The following ABCC9 variants were observed in gnomAD, a reference collection of about 807,000 sequenced individuals.
ABCC9 encodes the protein ATP-binding cassette sub-family C member 9.
In ABCC9, 95 loss-of-function variants were observed where a neutral mutation model predicts 188.3. The observed-to-expected ratio is 0.50, with a 90% CI of 0.43 to 0.60. ABCC9 has a LOEUF of 0.60. ABCC9 is among the 20% of genes least tolerant of loss of function. The pLI is 0.00. For synonymous variants in ABCC9, 659 were observed against 652.7 expected, an observed-to-expected ratio of 1.01 and a Z score of -0.15; for missense variants, 1,102 against 1,876.3, an observed-to-expected ratio of 0.59 and a Z score of 7.62.
Position 21,882,239 on chromosome 12 carries a change from A to G in ABCC9, c.2019+527T>C, listed in dbSNP as rs1024479383. ...CTCTTCCAATTCCTGCACAACACTG[A>G]TTACTCCCTTTTATCCCCAACTCTC... On this transcript the variant is annotated intron_variant, in intron 16 of 39. Transcript: ENST00000261200. Among the ~76,000 whole-genome samples the G allele has an allele frequency of 1.8e-4, 28 of 152,054 alleles. No individual in the cohort carries two copies. In the South Asian group the frequency reaches 5.2e-3, roughly 28 times the overall value.
chr12:21,859,949 T>C (rs1233207844), intron 21 of ABCC9, among the ~76,000 whole-genome samples: 2 of 152,162 alleles, frequency 1.3e-5, no homozygotes, highest in Non-Finnish European at 2.9e-5. Flanking sequence ...TGCTAGGAAA[T>C]GCGAGCAATT....
In ABCC9 at chr12:21,894,133, T is replaced by C; in HGVS notation, c.1701A>G (p.Lys567=). 6.2e-7 allele frequency: 1 copy of C among 1,613,996 alleles called. No individual in the cohort carries two copies. Among genetic ancestry groups the C allele is most frequent in the Non-Finnish European group, 8.5e-7 (1 of 1,179,990 alleles). Reference sequence around the variant, plus strand: ...ACAGTGAAGCAAAGGCCTCTGCAGGTTTCAGATTGTTTCCACTGGCATACG... The same window carrying C: ...ACAGTGAAGCAAAGGCCTCTGCAGGCTTCAGATTGTTTCCACTGGCATACG... ...THAYASGNNL[K]PAEAFASLSL... Residue 567 remains lysine, a synonymous_variant, in exon 14 of 40, where the codon AAA becomes AAG. Coordinates refer to ENST00000261200, the MANE Select transcript of ABCC9 (RefSeq NM_020297.4).
chr12:21,933,549 A>T (rs369804913), intron 4 of ABCC9, among the ~76,000 whole-genome samples: 5 of 152,164 alleles, frequency 3.3e-5, no homozygotes, highest in African/African-American at 1.2e-4. Context: ...ATATATTAAC[A>T]TAAGTATATA....
At chr12:21,803,006 T>C (rs1941567591) in intron 39 of ABCC9, among the ~76,000 whole-genome samples, 1 of 152,046 alleles carries the variant, frequency 6.6e-6, no homozygotes, top group Non-Finnish European at 1.5e-5. Flanking sequence ...AGCCTATCAT[T>C]CGCTGAATAT....
At chr12:21,858,156 A>C (rs1945324571) in intron 22 of ABCC9, among the ~76,000 whole-genome samples, 1 of 152,190 alleles carries the variant, frequency 6.6e-6, no homozygotes, top group Admixed American at 6.5e-5. Flanking sequence ...GAACTGAGGA[A>C]GAAAGCCACA....
Position 21,798,434 on chromosome 12 carries a change from T to C in ABCC9, c.*2610A>G, listed in dbSNP as rs1004084369. On this transcript the variant is annotated 3_prime_UTR_variant, in exon 40 of 40. Transcript: ENST00000261200. Reference sequence around the variant, plus strand: ...GCCAGTGATGATGAGCATTTTTTCATGTGTTTTTTGGCTGCATAAATGTCT... The same window carrying C: ...GCCAGTGATGATGAGCATTTTTTCACGTGTTTTTTGGCTGCATAAATGTCT... The C allele has an allele frequency of 2.0e-5, 3 of 151,188 alleles. No individual in the cohort carries two copies. Among genetic ancestry groups the C allele is most frequent in the Admixed American group, 2.0e-4 (3 of 15,164 alleles). 9.4% of individuals were successfully genotyped at this position (151,188 alleles called of 1,614,324 possible).
rs762538247 is a variant in ABCC9 at position 21,828,976 on chromosome 12, T to C, written c.3651A>G (p.Arg1217=). ...IAYLFLSAAN[R]WLEVRTDYLG... is the part of the protein sequence containing the mutation. The stretch of plus-strand genomic sequence containing the variant: ...AACGTACCGTCCTGACCTCCAGCCA[T>C]CTGTTGGCAGCTGAGAGAAATAAGT... Residue 1217 remains arginine (R), a synonymous_variant, in exon 31 of 40, where the codon AGA becomes AGG. Transcript: ENST00000261200. 11 of 1,613,886 alleles carry C rather than the reference T, an allele frequency of 6.8e-6. No homozygotes were observed. The East Asian group carries it at 2.0e-4, about 29-fold the overall frequency.
intron 30 of ABCC9, among the ~76,000 whole-genome samples, chr12:21,835,834 C>T (rs1170626164): frequency 6.6e-6 from 1 of 152,096 alleles, no homozygotes; most frequent in Non-Finnish European, 1.5e-5. Flanking sequence ...GACCTGTATA[C>T]CAAAATGATC....
chr12:21,829,191 CTTTTTTTTTTTT>C lies in ABCC9; in HGVS notation c.3567-143_3567-132del, dbSNP rs11430045. On this transcript the variant is annotated intron_variant, in intron 30 of 39. Transcript: ENST00000261200. ...CATGGAATGATCAGTAAATAGATTT[CTTTTTTTTTTTT>C]TTTTTTTTTTTTTTTTCAGATGGAG... 1.6e-3 allele frequency: 360 copies of C among 230,708 alleles called. 4 individuals carry two copies. The highest frequency in any genetic ancestry group is 0.012 in the African/African-American group (269 of 21,836). 14.3% of individuals were successfully genotyped at this position (230,708 alleles called of 1,614,324 possible).
At chr12:21,850,077 T>C (rs560321300) in intron 24 of ABCC9, among the ~76,000 whole-genome samples, 1 of 151,854 alleles carries the variant, frequency 6.6e-6, no homozygotes, top group East Asian at 1.9e-4. Context: ...TTTCTCAGCC[T>C]TGACACAGTT....
In ABCC9 at chr12:21,800,053, C is replaced by G. The variant is rs1208348344; in HGVS notation, c.*991G>C. The G allele has an allele frequency of 6.6e-6, 1 of 152,096 alleles. No homozygotes were observed. The highest frequency in any genetic ancestry group is 1.5e-5 in the Non-Finnish European group (1 of 68,022). The allele number at this position is 152,096 out of a possible 1,614,324, so 9.4% of individuals were successfully genotyped here. A position where few individuals can be genotyped will look rare whatever the true frequency, so the allele number is the denominator to read the frequency against. The stretch of plus-strand genomic sequence containing the variant: ...GTCTAGAAGAGGTAAACTCTTTCAG[C>G]TAGAAATAGACACTTGTTTTATATA... On this transcript the variant is annotated 3_prime_UTR_variant, in exon 40 of 40. Coordinates refer to ENST00000261200, the MANE Select transcript of ABCC9 (RefSeq NM_020297.4).
intron 4 of ABCC9, among the ~76,000 whole-genome samples, chr12:21,930,264 T>A (rs1294379031): frequency 6.6e-6 from 1 of 152,170 alleles, no homozygotes; most frequent in Non-Finnish European, 1.5e-5. Flanking sequence ...TTCTACAGGT[T>A]ATTGATGTCA....
intron 22 of ABCC9, among the ~76,000 whole-genome samples, chr12:21,856,008 TAAC>T (rs1220603745): frequency 6.6e-6 from 1 of 152,122 alleles, no homozygotes; most frequent in Non-Finnish European, 1.5e-5. Context: ...ACAGCAGTAA[TAAC>T]AATAATAATA....
intron 18 of ABCC9, among the ~76,000 whole-genome samples, chr12:21,870,840 C>T (rs535715001): frequency 2.0e-5 from 3 of 151,988 alleles, no homozygotes; most frequent in East Asian, 1.9e-4. Context: ...CAATATAAAT[C>T]GTATACATGC....
At chr12:21,885,469 C>T (rs892070054) in intron 15 of ABCC9, among the ~76,000 whole-genome samples, 1 of 152,158 alleles carries the variant, frequency 6.6e-6, no homozygotes, top group Non-Finnish European at 1.5e-5. Flanking sequence ...TTCCCTAACT[C>T]CATGAACTTG....
At chr12:21,870,033 TCTGATA>T (rs1193284041) in intron 18 of ABCC9, among the ~76,000 whole-genome samples, 1 of 152,168 alleles carries the variant, frequency 6.6e-6, no homozygotes, top group Non-Finnish European at 1.5e-5. Flanking sequence ...ACTGTGTTGT[TCTGATA>T]CTACCCATAC....
chr12:21,843,048 T>C (rs1464426136), intron 28 of ABCC9, among the ~76,000 whole-genome samples: 2 of 152,162 alleles, frequency 1.3e-5, no homozygotes, highest in African/African-American at 4.8e-5. Context: ...TCAATCACAA[T>C]TTAAAGTTTT....
At chr12:21,874,230 A>G (rs1378963616) in intron 17 of ABCC9, among the ~76,000 whole-genome samples, 2 of 152,194 alleles carry the variant, frequency 1.3e-5, no homozygotes, top group Non-Finnish European at 2.9e-5. Flanking sequence ...AGAAGTACAA[A>G]TGGCCACCAG....
intron 15 of ABCC9, among the ~76,000 whole-genome samples, chr12:21,886,590 C>A (rs1163867682): frequency 2.6e-5 from 4 of 152,126 alleles, no homozygotes; most frequent in Non-Finnish European, 4.4e-5. Flanking sequence ...ACACAGAAAA[C>A]AACAACATAA....
Sources: gnomAD v4.1 joint callset for allele counts (sites outside exome capture counted in the v4.1 genomes callset) on GRCh38, gnomAD v4.1.1 for gene constraint, MANE v1.5 for transcripts, NCBI Gene and HGNC (gene_info 2026-07-23, HGNC 2026-07-21) for gene names.